Variants in RAB11FIP4 observed in about 807,000 individuals in gnomAD.
RAB11FIP4 encodes the protein RAB11 family interacting protein 4, also known as rab11 family-interacting protein 4.
In RAB11FIP4, 23 loss-of-function variants were observed where a neutral mutation model predicts 74.3. The observed-to-expected ratio is 0.31, with a 90% CI of 0.22 to 0.44. The LOEUF (loss-of-function observed/expected upper bound fraction) is 0.44. RAB11FIP4 is among the 20% of genes least tolerant of loss of function. The probability of loss-of-function intolerance (pLI) is 1.00; values close to 1 mark genes in which losing one functional copy is unlikely to be tolerated. For synonymous variants in RAB11FIP4, 360 were observed against 359.9 expected, an observed-to-expected ratio of 1.00 and a Z score of 0.00; for missense variants, 630 against 863.9, an observed-to-expected ratio of 0.73 and a Z score of 3.39.
At chr17:31,409,895 T>C (rs2151618787) in intron 1 of RAB11FIP4, among the ~76,000 whole-genome samples, 1 of 152,296 alleles carries the variant, frequency 6.6e-6, no homozygotes, top group Admixed American at 6.5e-5. Flanking sequence ...AGCAAGTTCC[T>C]CTCTGCTTCT....
chr17:31,504,292 G>C (rs1341596023), intron 3 of RAB11FIP4, among the ~76,000 whole-genome samples: 1 of 149,754 alleles, frequency 6.7e-6, no homozygotes, highest in Non-Finnish European at 1.5e-5. Context: ...CACCACGCCC[G>C]GCTAATTTTT....
rs577850956 is a variant in RAB11FIP4, at chr17:31,537,164, G to A, written c.*5432G>A. 7.5e-6 allele frequency: 3 copies of A among 399,572 alleles called. No individual in the cohort carries two copies. Among genetic ancestry groups the A allele is most frequent in the Non-Finnish European group, 4.4e-6 (1 of 226,402 alleles). The allele number at this position is 399,572 out of a possible 1,614,324, so 24.8% of individuals were successfully genotyped here. On this transcript the variant is annotated 3_prime_UTR_variant, in exon 15 of 15. Coordinates refer to ENST00000621161, the MANE Select transcript of RAB11FIP4 (RefSeq NM_032932.6). ...TTTTCTTCCCCATCGCCACTGTACA[G>A]GATTTTCCACATTGCCCACTGCCTC...
intron 1 of RAB11FIP4, among the ~76,000 whole-genome samples, chr17:31,394,582 G>A (rs2070909242): frequency 1.3e-5 from 2 of 152,010 alleles, no homozygotes; most frequent in Admixed American, 1.3e-4. Context: ...GTAATTTCTG[G>A]AATCTAAGCC....
chr17:31,530,591 C>G (rs2072852913), intron 14 of RAB11FIP4, 122 bp downstream of exon 14: 1 of 1,297,118 alleles, frequency 7.7e-7, no homozygotes, highest in Admixed American at 2.1e-5. Flanking sequence ...CCATCTACAG[C>G]TACCCCACAT....
chr17:31,470,548 A>G (rs1200923385), intron 3 of RAB11FIP4, among the ~76,000 whole-genome samples: 1 of 152,204 alleles, frequency 6.6e-6, no homozygotes, highest in Non-Finnish European at 1.5e-5. Context: ...GGCCTGGCAG[A>G]AGCAGGAATG....
intron 3 of RAB11FIP4, among the ~76,000 whole-genome samples, chr17:31,457,727 T>C (rs2071592564): frequency 7.0e-6 from 1 of 142,414 alleles, no homozygotes; most frequent in Admixed American, 7.0e-5. Flanking sequence ...ACACCCCTCC[T>C]GCTGCCCTAC....
intron 3 of RAB11FIP4, among the ~76,000 whole-genome samples, chr17:31,441,902 A>G (rs2071409918): frequency 6.6e-6 from 1 of 152,206 alleles, no homozygotes; most frequent in Non-Finnish European, 1.5e-5. Flanking sequence ...ATAACAAGGT[A>G]GCCATGCTGC....
At chr17:31,488,835 G>A (rs2071952278) in intron 3 of RAB11FIP4, among the ~76,000 whole-genome samples, 1 of 152,136 alleles carries the variant, frequency 6.6e-6, no homozygotes, top group South Asian at 2.1e-4. Context: ...GGCCGGTCTG[G>A]CCCGGTGGTG....
chr17:31,488,332 C>G, intron 3 of RAB11FIP4: 1 of 1,109,250 alleles, frequency 9.0e-7, no homozygotes. Context: ...CCTGGCTCGG[C>G]CCGGCCCGCG....
chr17:31,480,793 CAAAAAAAAA>C, intron 3 of RAB11FIP4, among the ~76,000 whole-genome samples: 1 of 73,862 alleles, frequency 1.4e-5, no homozygotes, highest in East Asian at 4.2e-4. Context: ...GACTCCGTCT[CAAAAAAAAA>C]AAAAAAAAAA....
intron 3 of RAB11FIP4, among the ~76,000 whole-genome samples, chr17:31,447,514 T>A (rs1159969602): frequency 6.6e-6 from 1 of 152,148 alleles, no homozygotes; most frequent in Non-Finnish European, 1.5e-5. Flanking sequence ...CAATTTTATT[T>A]TACTTTATTT....
chr17:31,513,169 T>C (rs2072483927), intron 3 of RAB11FIP4, among the ~76,000 whole-genome samples: 1 of 152,092 alleles, frequency 6.6e-6, no homozygotes, highest in Middle Eastern at 3.2e-3. Flanking sequence ...AACAGGGGGC[T>C]CCGCGTGATT....
intron 1 of RAB11FIP4, among the ~76,000 whole-genome samples, chr17:31,419,693 G>T (rs1235768755): frequency 6.6e-6 from 1 of 151,898 alleles, no homozygotes; most frequent in Non-Finnish European, 1.5e-5. Flanking sequence ...TGGGACTACA[G>T]GCGCCCACCA....
chr17:31,457,440 C>T (rs2071589245), intron 3 of RAB11FIP4, among the ~76,000 whole-genome samples: 1 of 152,036 alleles, frequency 6.6e-6, no homozygotes, highest in African/African-American at 2.4e-5. Context: ...TCTCCTTCTC[C>T]TCAAAGGGGT....
At chr17:31,456,039 A>T (rs1029919439) in intron 3 of RAB11FIP4, among the ~76,000 whole-genome samples, 1 of 152,172 alleles carries the variant, frequency 6.6e-6, no homozygotes, top group African/African-American at 2.4e-5. Flanking sequence ...ATTTTCCATT[A>T]TCTATCCTAA....
intron 1 of RAB11FIP4, among the ~76,000 whole-genome samples, chr17:31,394,966 C>T (rs1467954437): frequency 6.7e-6 from 1 of 149,008 alleles, no homozygotes; most frequent in Non-Finnish European, 1.5e-5. Flanking sequence ...TTACGAAATG[C>T]AGTGTACTCT....
At position 31,521,984 on chromosome 17, in the gene RAB11FIP4, A is replaced by C. The variant is rs778662459; in HGVS notation, c.828A>C (p.Gln276His). The change falls in exon 6 of 15, where the codon CAA becomes CAC. Residue 276 changes from glutamine to histidine, a missense_variant. By Grantham distance (24) the Gln-to-His change is conservative (BLOSUM62 0). Coordinates refer to ENST00000621161, the MANE Select transcript of RAB11FIP4 (RefSeq NM_032932.6). ...AATTGCTAGATGTTTACTGCTCTCA[A>C]TGCTGCAAGAAAATCAACCTGCTCA... ...NSELLDVYCS[Q>H]CCKKINLLND... 1 of 1,614,212 alleles carries C rather than the reference A, an allele frequency of 6.2e-7. No homozygotes were observed. Among genetic ancestry groups the C allele is most frequent in the East Asian group, 2.2e-5 (1 of 44,882 alleles).
intron 3 of RAB11FIP4, among the ~76,000 whole-genome samples, chr17:31,447,340 T>C (rs2071477247): frequency 6.6e-6 from 1 of 151,892 alleles, no homozygotes; most frequent in Non-Finnish European, 1.5e-5. Flanking sequence ...GGCAAGCACC[T>C]GTGTGTCCCA....
rs200345178 is a variant in RAB11FIP4 at position 31,433,998 on chromosome 17, C to G, written c.248-36C>G. 4.7e-5 allele frequency: 72 copies of G among 1,546,356 alleles called. No individual in the cohort carries two copies. The East Asian group carries it at 1.1e-3, about 24-fold the overall frequency. ...GCAGCCGTCCCAGGCTGAGGCTCAACCCCTCACTGTCCCGTGTGTCTGCCT... is the reference window on the plus strand; with the variant it reads ...GCAGCCGTCCCAGGCTGAGGCTCAAGCCCTCACTGTCCCGTGTGTCTGCCT... On this transcript the variant is annotated intron_variant, in intron 2 of 14. Transcript: ENST00000621161.
Sources: allele counts gnomAD v4.1 joint callset (sites outside exome capture counted in the v4.1 genomes callset), GRCh38; gene constraint gnomAD v4.1.1; transcripts MANE v1.5; gene names NCBI Gene and HGNC (gene_info 2026-07-23, HGNC 2026-07-21).